AMOTL1: variants seen among roughly 807,000 people sequenced by gnomAD.
The protein encoded by AMOTL1 is angiomotin-like protein 1.
A neutral mutation model predicts 102.9 loss-of-function variants in AMOTL1; 45 were observed. The ratio of observed to expected loss-of-function variants is 0.44; its 90% CI spans 0.34 to 0.56. The LOEUF is 0.56. AMOTL1 is among the 20% of genes least tolerant of loss of function. The probability of loss-of-function intolerance (pLI) is 0.01; values close to 1 mark genes in which losing one functional copy is unlikely to be tolerated. For synonymous variants in AMOTL1, 481 were observed against 484.7 expected (o/e 0.99, Z 0.10); for missense variants, 1,114 against 1,225.6 (o/e 0.91, Z 1.36).
At chr11:94,868,951 A>T in intron 11 of AMOTL1, among the ~76,000 whole-genome samples, 1 of 151,718 alleles carries the variant, frequency 6.6e-6, no homozygotes, top group South Asian at 2.1e-4. Context: ...CTCCAAAAAA[A>T]AAAAACAAAA....
At chr11:94,804,583 C>G (rs1196726396) in intron 3 of AMOTL1, among the ~76,000 whole-genome samples, 1 of 152,172 alleles carries the variant, frequency 6.6e-6, no homozygotes, top group Non-Finnish European at 1.5e-5. Context: ...AACACTGCAC[C>G]CTGCCTGCAA....
At chr11:94,782,997 CA>C (rs1244500055) in intron 1 of AMOTL1, among the ~76,000 whole-genome samples, 1 of 152,128 alleles carries the variant, frequency 6.6e-6, no homozygotes, top group Non-Finnish European at 1.5e-5. Flanking sequence ...GCTTCAGTTT[CA>C]AATGCATTAA....
intron 1 of AMOTL1, among the ~76,000 whole-genome samples, chr11:94,768,963 C>A (rs970734450): frequency 6.6e-6 from 1 of 152,052 alleles, no homozygotes; most frequent in East Asian, 2.0e-4. Context: ...GCAGCTTTCC[C>A]CGGCGCGAGA....
intron 1 of AMOTL1, among the ~76,000 whole-genome samples, chr11:94,719,039 T>C (rs1332868631): frequency 1.3e-5 from 2 of 152,022 alleles, no homozygotes; most frequent in African/African-American, 4.8e-5. Flanking sequence ...AATTTTTATA[T>C]GCTGTGAATA....
intron 3 of AMOTL1, among the ~76,000 whole-genome samples, chr11:94,742,332 A>C (rs1470427273): frequency 6.6e-6 from 1 of 152,236 alleles, no homozygotes; most frequent in Non-Finnish European, 1.5e-5. Flanking sequence ...TATGTTAATG[A>C]CACCAGCATT....
At chr11:94,811,896 C>T (rs903071131) in intron 3 of AMOTL1, among the ~76,000 whole-genome samples, 2 of 152,176 alleles carry the variant, frequency 1.3e-5, no homozygotes, top group Admixed American at 6.5e-5. Flanking sequence ...AGGAAAAAAA[C>T]TCTAACTTGC....
chr11:94,707,052 CT>C (rs1949940084), intron 1 of AMOTL1, among the ~76,000 whole-genome samples: 1 of 152,084 alleles, frequency 6.6e-6, no homozygotes, highest in Non-Finnish European at 1.5e-5. Flanking sequence ...TGCTTCCCTT[CT>C]TTCTCAGGAG....
At chr11:94,785,731 A>T (rs1040967080) in intron 1 of AMOTL1, among the ~76,000 whole-genome samples, 2 of 152,176 alleles carry the variant, frequency 1.3e-5, no homozygotes, top group African/African-American at 2.4e-5. Flanking sequence ...AAGCTGGAGG[A>T]ATCCGTGGCA....
chr11:94,754,371 T>G (rs1445483779), intron 3 of AMOTL1, among the ~76,000 whole-genome samples: 2 of 152,156 alleles, frequency 1.3e-5, no homozygotes, highest in Non-Finnish European at 2.9e-5. Context: ...TGTGACCAAA[T>G]GCTGAATAAT....
intron 1 of AMOTL1, among the ~76,000 whole-genome samples, chr11:94,769,973 T>A (rs1387766615): frequency 6.6e-6 from 1 of 152,132 alleles, no homozygotes; most frequent in Non-Finnish European, 1.5e-5. Context: ...TAAACCAGAA[T>A]AGAGGGCTAT....
chr11:94,759,611 A>C (rs1394260780), intron 3 of AMOTL1, among the ~76,000 whole-genome samples: 1 of 148,382 alleles, frequency 6.7e-6, no homozygotes. Context: ...TGCAAAAACC[A>C]GACTTGAATC....
chr11:94,771,266 G>T (rs997356947), intron 1 of AMOTL1, among the ~76,000 whole-genome samples: 2 of 144,422 alleles, frequency 1.4e-5, no homozygotes, highest in African/African-American at 5.1e-5. Context: ...GGTTGGGGGG[G>T]GGGTGCGGTG....
chr11:94,779,339 C>T (rs1424305568), intron 1 of AMOTL1, among the ~76,000 whole-genome samples: 6 of 152,174 alleles, frequency 3.9e-5, no homozygotes, highest in South Asian at 2.1e-4. Context: ...ATTTTCTTGA[C>T]GGTTCAGAAA....
intron 4 of AMOTL1, among the ~76,000 whole-genome samples, chr11:94,829,322 A>G (rs1952029154): frequency 6.6e-6 from 1 of 151,422 alleles, no homozygotes; most frequent in Non-Finnish European, 1.5e-5. Flanking sequence ...TCCCAGGCTC[A>G]AGCGATCCTT....
At chr11:94,780,564 A>G (rs777965851) in intron 1 of AMOTL1, among the ~76,000 whole-genome samples, 1 of 152,208 alleles carries the variant, frequency 6.6e-6, no homozygotes, top group Non-Finnish European at 1.5e-5. Flanking sequence ...CTGCTGTTCT[A>G]TTTTAAAGAG....
intron 3 of AMOTL1, among the ~76,000 whole-genome samples, chr11:94,761,011 C>T (rs1284889870): frequency 6.6e-6 from 1 of 151,814 alleles, no homozygotes; most frequent in African/African-American, 2.4e-5. Flanking sequence ...TGGTGTCAAG[C>T]GATCTTCCCG....
At chr11:94,770,682 C>T (rs942602914) in intron 1 of AMOTL1, among the ~76,000 whole-genome samples, 2 of 152,136 alleles carry the variant, frequency 1.3e-5, no homozygotes, top group African/African-American at 4.8e-5. Flanking sequence ...TACTAATTTT[C>T]CAAAGGGCAT....
At chr11:94,771,273 G>A (rs1950947991) in intron 1 of AMOTL1, among the ~76,000 whole-genome samples, 3 of 146,870 alleles carry the variant, frequency 2.0e-5, no homozygotes, top group South Asian at 2.2e-4. Flanking sequence ...GGGGGGGTGC[G>A]GTGTGTGGCT....
chr11:94,742,517 C>G (rs1950540842), intron 3 of AMOTL1, among the ~76,000 whole-genome samples: 1 of 152,102 alleles, frequency 6.6e-6, no homozygotes, highest in Admixed American at 6.5e-5. Flanking sequence ...CCTTTTTCAT[C>G]TCCATATCTC....
Sources: gnomAD v4.1 joint callset for allele counts (sites outside exome capture counted in the v4.1 genomes callset) on GRCh38, gnomAD v4.1.1 for gene constraint, MANE v1.5 for transcripts, NCBI Gene and HGNC (gene_info 2026-07-23, HGNC 2026-07-21) for gene names.